CD96: variants seen among roughly 807,000 people sequenced by gnomAD.
The protein encoded by CD96 is T-cell surface protein tactile.
Under a neutral mutation model 71.3 loss-of-function variants are expected in CD96, and 70 were observed. The observed-to-expected ratio is 0.98, with a 90% CI of 0.81 to 1.20. The LOEUF (loss-of-function observed/expected upper bound fraction) is 1.20. CD96 is among the 50% of genes most tolerant of loss of function. CD96 has a pLI of 0.00. For synonymous variants in CD96, 248 were observed against 233.0 expected (o/e 1.06, Z -0.59); for missense variants, 742 against 677.5 (o/e 1.10, Z -1.06).
intron 8 of CD96, among the ~76,000 whole-genome samples, chr3:111,617,688 C>G (rs1469615557): frequency 2.0e-5 from 3 of 152,204 alleles, no homozygotes; most frequent in Non-Finnish European, 2.9e-5. Context: ...CTCCTCTCCA[C>G]CTTGCTCACC....
At chr3:111,545,940 G>C (rs1031502394) in intron 2 of CD96, among the ~76,000 whole-genome samples, 1 of 152,028 alleles carries the variant, frequency 6.6e-6, no homozygotes, top group Non-Finnish European at 1.5e-5. Context: ...AGAAGACATG[G>C]AAGTATTTCC....
intron 2 of CD96, among the ~76,000 whole-genome samples, chr3:111,565,970 A>G (rs906901667): frequency 6.6e-6 from 1 of 150,790 alleles, no homozygotes; most frequent in African/African-American, 2.4e-5. Context: ...TATAAAATTT[A>G]TAAACAGAAA....
intron 8 of CD96, among the ~76,000 whole-genome samples, chr3:111,620,094 GC>G (rs1378535262): frequency 6.6e-6 from 1 of 152,182 alleles, no homozygotes; most frequent in Non-Finnish European, 1.5e-5. Context: ...GCATGGCTAT[GC>G]CCTCTGCCTG....
intron 14 of CD96, among the ~76,000 whole-genome samples, chr3:111,664,391 G>C (rs568185371): frequency 6.6e-6 from 1 of 152,072 alleles, no homozygotes. Context: ...AAAATCCTAA[G>C]TGAAGTAATG....
At chr3:111,555,509 G>A (rs11918041) in intron 2 of CD96, among the ~76,000 whole-genome samples, 6,949 of 148,486 alleles carry the variant, frequency 0.047, no homozygotes, top group African/African-American at 0.16. Flanking sequence ...CTTTCTTTTA[G>A]CATTTTGAAT....
intron 5 of CD96, chr3:111,593,727 C>A (rs779956120): frequency 6.2e-7 from 1 of 1,614,220 alleles, no homozygotes; most frequent in Admixed American, 1.7e-5. Flanking sequence ...CTAAGCACCT[C>A]CTTTTCCCTT....
rs1442037068 is a variant in CD96, at chr3:111,650,935, AG to A, written c.*1131del. ...AGATGTTGTTGACAGATAGAGTGAT[AG>A]GCAAATTCTGTGTGGACTTTAGTCC... is the stretch of plus-strand genomic sequence containing the variant. On this transcript the variant is annotated 3_prime_UTR_variant, in exon 14 of 14. Transcript: ENST00000352690. 1 of 152,258 alleles carries A rather than the reference AG, an allele frequency of 6.6e-6. No homozygotes were observed. Among genetic ancestry groups the A allele is most frequent in the Non-Finnish European group, 1.5e-5 (1 of 68,062 alleles). 9.4% of individuals were successfully genotyped at this position (152,258 alleles called of 1,614,324 possible).
chr3:111,567,606 T>C lies in CD96; in HGVS notation c.502T>C (p.Ser168Pro). The change falls in exon 3 of 14, where the codon TCC (serine) becomes CCC (proline). Residue 168 changes from serine to proline, a missense_variant. Coordinates refer to ENST00000352690, the MANE Select transcript of CD96 (RefSeq NM_005816.5). Reference protein sequence around the residue: ...TLEIPCFQNSSSKISSEFTYA... With the variant: ...TLEIPCFQNSPSKISSEFTYA... ...GGAAATACCATGCTTTCAAAATAGC[T>C]CCTCAAAAATTTCATCTGAGTTCAC... 6.2e-7 allele frequency: 1 copy of C among 1,612,714 alleles called. No homozygotes were observed. The highest frequency in any genetic ancestry group is 1.1e-5 in the South Asian group (1 of 91,044).
downstream of CD96, chr3:111,652,379 T>C (rs1032872296): frequency 9.2e-5 from 14 of 152,028 alleles, no homozygotes; most frequent in African/African-American, 3.1e-4. Context: ...CAAAGCATTG[T>C]GGTTTTATTT....
downstream of CD96, among the ~76,000 whole-genome samples, chr3:111,656,794 A>AG: frequency 6.6e-6 from 1 of 152,190 alleles, no homozygotes; most frequent in Admixed American, 6.5e-5. Context: ...GTAAGAAAGA[A>AG]GGAAAAATTA....
intron 2 of CD96, among the ~76,000 whole-genome samples, chr3:111,546,369 C>A (rs1464973085): frequency 6.6e-6 from 1 of 152,080 alleles, no homozygotes. Flanking sequence ...GGTAAAGGGA[C>A]AAAGGAAGCT....
At chr3:111,653,856 C>T (rs1940165722), downstream of CD96, among the ~76,000 whole-genome samples, 1 of 150,444 alleles carries the variant, frequency 6.6e-6, no homozygotes, top group African/African-American at 2.5e-5. Flanking sequence ...AAAATTGTAA[C>T]AGAAAACAAT....
intron 8 of CD96, among the ~76,000 whole-genome samples, chr3:111,610,372 G>C (rs978117926): frequency 6.6e-6 from 1 of 152,212 alleles, no homozygotes; most frequent in African/African-American, 2.4e-5. Context: ...AAGGAAGTGA[G>C]ATGAAGTATG....
rs139186652 is a variant in CD96 at position 111,600,074 on chromosome 3, C to T, written c.899-652C>T. 2.9e-3 allele frequency among the ~76,000 whole-genome samples: 446 copies of T among 152,322 alleles called. 2 individuals carry two copies. Among genetic ancestry groups the T allele is most frequent in the African/African-American group, 0.01 (427 of 41,574 alleles). On this transcript the variant is annotated intron_variant, in intron 6 of 13. Coordinates refer to ENST00000352690, the MANE Select transcript of CD96 (RefSeq NM_005816.5). ...GACCCAAAATGCAATGCTTACAAAT[C>T]TACAGCTTATTTCAAGAAGAGGAGA...
In CD96 at chr3:111,579,098, T is replaced by C; in HGVS notation, c.615T>C (p.Asp205=). 1.2e-6 allele frequency: 2 copies of C among 1,606,434 alleles called. No individual in the cohort carries two copies. Among genetic ancestry groups the C allele is most frequent in the South Asian group, 1.1e-5 (1 of 90,920 alleles). Residue 205 remains aspartate (D), a synonymous_variant, in exon 4 of 14, where the codon GAT becomes GAC. Transcript: ENST00000352690. ...HLISNSTLLK[D]RVKLGTDYRL... ...TCAGCAATTCCACATTACTTAAAGA[T>C]AGAGTCAAGCTTGGTACAGACTACA...
intron 4 of CD96, among the ~76,000 whole-genome samples, chr3:111,581,688 G>C (rs1349111613): frequency 1.3e-5 from 2 of 152,154 alleles, no homozygotes; most frequent in African/African-American, 4.8e-5. Flanking sequence ...CAACCTCAAA[G>C]AAAATCTGTC....
At chr3:111,620,926 A>G (rs1279951636) in intron 8 of CD96, among the ~76,000 whole-genome samples, 2 of 152,208 alleles carry the variant, frequency 1.3e-5, no homozygotes, top group Non-Finnish European at 2.9e-5. Flanking sequence ...GAAATGATTT[A>G]TGTCACATTA....
chr3:111,653,625 G>A (rs1310443343), downstream of CD96, among the ~76,000 whole-genome samples: 1 of 152,090 alleles, frequency 6.6e-6, no homozygotes, highest in Non-Finnish European at 1.5e-5. Context: ...CTTGTCCAAG[G>A]TCACACAATT....
chr3:111,551,675 C>A (rs914977405), intron 2 of CD96, among the ~76,000 whole-genome samples: 1 of 152,028 alleles, frequency 6.6e-6, no homozygotes, highest in Non-Finnish European at 1.5e-5. Flanking sequence ...AGGTATTAAG[C>A]CCAGCATCCA....
Sources: allele counts gnomAD v4.1 joint callset (sites outside exome capture counted in the v4.1 genomes callset), GRCh38; gene constraint gnomAD v4.1.1; transcripts MANE v1.5; gene names NCBI Gene and HGNC (gene_info 2026-07-23, HGNC 2026-07-21).